The following MYO16 variants were observed in gnomAD, a reference collection of about 807,000 sequenced individuals.
MYO16 encodes unconventional myosin-XVI.
MYO16 carries 94 observed loss-of-function variants against 205.3 expected under a neutral mutation model. The ratio of observed to expected loss-of-function variants is 0.46; its 90% CI spans 0.39 to 0.54. MYO16 has a LOEUF of 0.54. MYO16 is among the 20% of genes least tolerant of loss of function. MYO16 has a pLI of 0.00. For synonymous variants in MYO16, 988 were observed against 954.0 expected (o/e 1.04, Z -0.66); for missense variants, 2,315 against 2,387.5 (o/e 0.97, Z 0.63).
intron 3 of MYO16, among the ~76,000 whole-genome samples, chr13:108,725,534 CA>C (rs1411506683): frequency 1.3e-5 from 2 of 152,092 alleles, no homozygotes; most frequent in Admixed American, 1.3e-4. Flanking sequence ...TCCACTGAAG[CA>C]AAACACATCT....
At chr13:108,845,048 A>G (rs190066376) in intron 10 of MYO16, among the ~76,000 whole-genome samples, 175 of 152,160 alleles carry the variant, frequency 1.2e-3, no homozygotes, top group Middle Eastern at 6.8e-3. Flanking sequence ...ATGGCAATTA[A>G]TGTATTTTAT....
chr13:109,018,478 C>T (rs1945071009), intron 22 of MYO16, among the ~76,000 whole-genome samples: 1 of 152,170 alleles, frequency 6.6e-6, no homozygotes, highest in Non-Finnish European at 1.5e-5. Context: ...TGTCCATTCT[C>T]AGAGCTCAGA....
At chr13:109,042,759 A>G (rs1194684701) in intron 23 of MYO16, among the ~76,000 whole-genome samples, 1 of 152,238 alleles carries the variant, frequency 6.6e-6, no homozygotes, top group African/African-American at 2.4e-5. Flanking sequence ...ACATTAAGAA[A>G]GACTCAAAGA....
intron 4 of MYO16, among the ~76,000 whole-genome samples, chr13:108,760,072 ATTC>A (rs1885555288): frequency 1.3e-5 from 2 of 152,152 alleles, no homozygotes; most frequent in Admixed American, 6.5e-5. Flanking sequence ...GGAGATTGAA[ATTC>A]TTCTTTTCTA....
chr13:108,671,382 G>C (rs990344437), intron 2 of MYO16, among the ~76,000 whole-genome samples: 3 of 152,136 alleles, frequency 2.0e-5, no homozygotes, highest in Non-Finnish European at 4.4e-5. Flanking sequence ...AATGCCTTGT[G>C]AGAGAAATAA....
intron 7 of MYO16, among the ~76,000 whole-genome samples, chr13:108,808,943 T>C (rs933745840): frequency 5.3e-5 from 8 of 152,154 alleles, no homozygotes; most frequent in Middle Eastern, 6.3e-3. Context: ...GACACAGGAA[T>C]CACCAAATGA....
At chr13:109,089,515 GT>G (rs1320456855) in intron 27 of MYO16, among the ~76,000 whole-genome samples, 1 of 152,018 alleles carries the variant, frequency 6.6e-6, no homozygotes, top group Non-Finnish European at 1.5e-5. Context: ...GCACCTGGCT[GT>G]TTTCTGTATT....
intron 16 of MYO16, among the ~76,000 whole-genome samples, chr13:108,935,032 G>A (rs1434474695): frequency 6.6e-6 from 1 of 152,164 alleles, no homozygotes. Flanking sequence ...TAGCCTTAGA[G>A]TATAGTATGA....
At chr13:108,902,081 C>A (rs1391397564) in intron 15 of MYO16, among the ~76,000 whole-genome samples, 1 of 152,132 alleles carries the variant, frequency 6.6e-6, no homozygotes, top group African/African-American at 2.4e-5. Flanking sequence ...CAAATTTGTT[C>A]AAGTATCCCT....
intron 28 of MYO16, among the ~76,000 whole-genome samples, chr13:109,110,634 A>G (rs147636484): frequency 9.5e-4 from 145 of 152,358 alleles, no homozygotes; most frequent in African/African-American, 3.2e-3. Context: ...GAGAACGTTT[A>G]AAAGTACATT....
chr13:108,837,478 C>T (rs1876990224), intron 9 of MYO16, among the ~76,000 whole-genome samples: 1 of 152,072 alleles, frequency 6.6e-6, no homozygotes, highest in African/African-American at 2.4e-5. Context: ...GAGTTAGTGA[C>T]TTATTTTTGA....
At chr13:108,675,293 G>A (rs566650565) in intron 2 of MYO16, among the ~76,000 whole-genome samples, 1 of 152,300 alleles carries the variant, frequency 6.6e-6, no homozygotes, top group Non-Finnish European at 1.5e-5. Flanking sequence ...TCCGGGGCAG[G>A]TTAGAATTTC....
intron 34 of MYO16, among the ~76,000 whole-genome samples, chr13:109,195,798 CTT>C (rs895114080): frequency 6.2e-4 from 95 of 152,150 alleles, no homozygotes; most frequent in African/African-American, 2.2e-3. Context: ...AAGGGAAAGA[CTT>C]AAGTTAAAAA....
chr13:108,776,139 T>C (rs1041265616), intron 4 of MYO16, among the ~76,000 whole-genome samples: 1 of 152,166 alleles, frequency 6.6e-6, no homozygotes, highest in African/African-American at 2.4e-5. Context: ...CAAATGCAAA[T>C]ATTTTACACA....
chr13:109,050,865 C>CT lies in MYO16; in HGVS notation c.2873-1422dup, dbSNP rs79977044. The stretch of plus-strand genomic sequence containing the variant: ...ATTTCTTTTTGACATAGTCTCTTGA[C>CT]TTTTTTTTTTTTTAACACTGCCTTA... On this transcript the variant is annotated intron_variant, in intron 24 of 34. Transcript: ENST00000457511. 6.4e-3 allele frequency among the ~76,000 whole-genome samples: 927 copies of CT among 144,170 alleles called. 4 individuals are homozygous for CT. The highest frequency in any genetic ancestry group is 0.044 in the Middle Eastern group (12 of 274). 94.6% of individuals were successfully genotyped at this position (144,170 alleles called of 152,430 possible).
At chr13:109,015,034 C>T (rs1283669477) in intron 22 of MYO16, among the ~76,000 whole-genome samples, 8 of 152,272 alleles carry the variant, frequency 5.3e-5, no homozygotes, top group Admixed American at 2.6e-4. Flanking sequence ...ATCCCTGTCT[C>T]GTGCCAGTTT....
chr13:109,130,079 T>C (rs1019851548), intron 31 of MYO16, among the ~76,000 whole-genome samples: 2 of 150,826 alleles, frequency 1.3e-5, no homozygotes, highest in Non-Finnish European at 3.0e-5. Context: ...TACACACACA[T>C]AATATGAAAG....
chr13:108,654,458 C>T (rs190952445), intron 1 of MYO16, among the ~76,000 whole-genome samples: 2 of 152,328 alleles, frequency 1.3e-5, no homozygotes, highest in African/African-American at 4.8e-5. Flanking sequence ...CGTCCCCAGC[C>T]ATGTGGAATT....
At chr13:109,004,482 A>T (rs1158020273) in intron 21 of MYO16, among the ~76,000 whole-genome samples, 2 of 152,232 alleles carry the variant, frequency 1.3e-5, no homozygotes, top group East Asian at 3.8e-4. Context: ...AAATAGTTTA[A>T]ACAGTTTTTA....
Sources: allele counts gnomAD v4.1 joint callset (sites outside exome capture counted in the v4.1 genomes callset), GRCh38; gene constraint gnomAD v4.1.1; transcripts MANE v1.5; gene names NCBI Gene and HGNC (gene_info 2026-07-23, HGNC 2026-07-21).